The following NRG1 variants were observed in gnomAD, a reference collection of about 807,000 sequenced individuals.
The protein encoded by NRG1 is pro-neuregulin-1, membrane-bound isoform.
Under a neutral mutation model 63.8 loss-of-function variants are expected in NRG1, and 18 were observed. The ratio of observed to expected loss-of-function variants is 0.28; its 90% confidence interval spans 0.19 to 0.42. The LOEUF is 0.42. NRG1 is among the 10% of genes least tolerant of loss of function. The pLI, the probability that NRG1 is intolerant of heterozygous loss-of-function variation, is 1.00. For missense variants in NRG1, 762 were observed against 814.7 expected (o/e 0.94, Z 0.79); for synonymous variants, 302 against 301.3 (o/e 1.00, Z -0.02).
At chr8:31,786,466 A>G (rs532532913) in intron 1 of NRG1, among the ~76,000 whole-genome samples, 82 of 152,166 alleles carry the variant, frequency 5.4e-4, no homozygotes, top group Non-Finnish European at 7.6e-4. Context: ...ATTCAATGCT[A>G]CTCTGACACT....
At chr8:31,994,917 G>T (rs1047038806) in intron 1 of NRG1, among the ~76,000 whole-genome samples, 1 of 151,882 alleles carries the variant, frequency 6.6e-6, no homozygotes, top group Non-Finnish European at 1.5e-5. Context: ...ATTACCTCTA[G>T]CTTTTAAAAA....
rs186942932 is a variant in NRG1, at chr8:32,230,749, G to T, written c.38-365079G>T. Among the ~76,000 whole-genome samples the T allele has an allele frequency of 7.4e-5, 11 of 149,648 alleles. No individual in the cohort carries two copies. The East Asian group carries it at 2.2e-3, about 29-fold the overall frequency. ...AAAAAATTATTTTTAATTATTATGGGTACATAATAAGTGTATATATACATG... is the reference window on the plus strand; with the variant it reads ...AAAAAATTATTTTTAATTATTATGGTTACATAATAAGTGTATATATACATG... On this transcript the variant is annotated intron_variant, in intron 1 of 10. Coordinates refer to the NRG1 transcript ENST00000519301.
chr8:31,758,093 A>T (rs1036320372), intron 1 of NRG1, among the ~76,000 whole-genome samples: 1 of 151,994 alleles, frequency 6.6e-6, no homozygotes, highest in Non-Finnish European at 1.5e-5. Flanking sequence ...AAGTTGTGGG[A>T]TACATGTGCA....
intron 1 of NRG1, among the ~76,000 whole-genome samples, chr8:31,643,069 G>T (rs1232875566): frequency 6.6e-6 from 1 of 151,986 alleles, no homozygotes; most frequent in Non-Finnish European, 1.5e-5. Context: ...TTCAGAATTT[G>T]CCAGGCAAAG....
At chr8:31,821,667 G>T (rs773513929) in intron 1 of NRG1, among the ~76,000 whole-genome samples, 6 of 151,726 alleles carry the variant, frequency 4.0e-5, no homozygotes, top group Non-Finnish European at 8.8e-5. Flanking sequence ...TACAGGAAAT[G>T]CAAGGCTCAT....
intron 5 of NRG1, among the ~76,000 whole-genome samples, chr8:32,641,736 G>C (rs971580754): frequency 1.3e-5 from 2 of 152,160 alleles, no homozygotes; most frequent in Non-Finnish European, 1.5e-5. Flanking sequence ...ATCTCACAAA[G>C]TAATGCTTAA....
chr8:32,307,242 A>G (rs987387899), intron 1 of NRG1, among the ~76,000 whole-genome samples: 2 of 152,192 alleles, frequency 1.3e-5, no homozygotes, highest in African/African-American at 2.4e-5. Flanking sequence ...CAATCTGGCT[A>G]ACATAAAAAG....
intron 1 of NRG1, among the ~76,000 whole-genome samples, chr8:31,671,451 G>T (rs1395882777): frequency 6.6e-6 from 1 of 152,108 alleles, no homozygotes; most frequent in African/African-American, 2.4e-5. Context: ...AACTTATCAG[G>T]CAGAAGAGAA....
intron 1 of NRG1, among the ~76,000 whole-genome samples, chr8:32,577,691 A>T (rs117468846): frequency 6.7e-6 from 1 of 148,862 alleles, no homozygotes; most frequent in Non-Finnish European, 1.5e-5. Flanking sequence ...TGTACCCTTA[A>T]ACCTTAACAC....
chr8:32,739,162 A>G (rs1467002652), intron 6 of NRG1, among the ~76,000 whole-genome samples: 1 of 152,192 alleles, frequency 6.6e-6, no homozygotes, highest in Non-Finnish European at 1.5e-5. Context: ...TGCAAACAGC[A>G]AGATACCACA....
chr8:32,329,070 G>A (rs1802339979), intron 1 of NRG1, among the ~76,000 whole-genome samples: 2 of 152,278 alleles, frequency 1.3e-5, no homozygotes, highest in South Asian at 4.1e-4. Flanking sequence ...TCCAGCTCAA[G>A]CGATCCTCCC....
chr8:31,734,551 G>A (rs1365953509), intron 1 of NRG1, among the ~76,000 whole-genome samples: 3 of 152,146 alleles, frequency 2.0e-5, no homozygotes, highest in Non-Finnish European at 4.4e-5. Context: ...AAAAGTGGAA[G>A]CTTTTTTTTG....
At chr8:32,316,130 C>G (rs116409829) in intron 1 of NRG1, among the ~76,000 whole-genome samples, 2,267 of 152,204 alleles carry the variant, frequency 0.015, 52 homozygotes, top group African/African-American at 0.052. Context: ...ATGAAAGTGC[C>G]GCAACATTCA....
chr8:32,566,422 G>A (rs947230309), intron 1 of NRG1, among the ~76,000 whole-genome samples: 3 of 151,104 alleles, frequency 2.0e-5, no homozygotes, highest in African/African-American at 7.3e-5. Flanking sequence ...TAGCTTTTTT[G>A]GGGTTCTTTA....
At chr8:32,045,344 T>G (rs1166154176) in intron 1 of NRG1, among the ~76,000 whole-genome samples, 1 of 151,824 alleles carries the variant, frequency 6.6e-6, no homozygotes, top group East Asian at 1.9e-4. Context: ...CCTAAATGAA[T>G]GGAGACATGT....
intron 1 of NRG1, among the ~76,000 whole-genome samples, chr8:32,414,034 G>A (rs1815500169): frequency 6.6e-6 from 1 of 151,978 alleles, no homozygotes; most frequent in Admixed American, 6.6e-5. Context: ...AAATCCTGAA[G>A]GTTCTAGGAG....
chr8:32,698,575 C>T (rs771218676), intron 5 of NRG1, among the ~76,000 whole-genome samples: 4 of 152,064 alleles, frequency 2.6e-5, no homozygotes, highest in Admixed American at 6.6e-5. Context: ...TGAGCATTCA[C>T]GGGAAGGAAG....
chr8:31,857,327 T>G (rs1828004001), intron 1 of NRG1, among the ~76,000 whole-genome samples: 1 of 152,242 alleles, frequency 6.6e-6, no homozygotes, highest in African/African-American at 2.4e-5. Context: ...CGCTGTTTTT[T>G]AAGCCGGTTG....
chr8:31,937,098 C>G (rs1801025708), intron 1 of NRG1, among the ~76,000 whole-genome samples: 1 of 152,218 alleles, frequency 6.6e-6, no homozygotes, highest in African/African-American at 2.4e-5. Flanking sequence ...CAACCCCTCC[C>G]AGAGTCAGCC....
Sources: allele counts gnomAD v4.1 joint callset (sites outside exome capture counted in the v4.1 genomes callset), GRCh38; gene constraint gnomAD v4.1.1; transcripts MANE v1.5; gene names NCBI Gene and HGNC (gene_info 2026-07-23, HGNC 2026-07-21).